PTPRD: variants seen among roughly 807,000 people sequenced by gnomAD.
The protein encoded by PTPRD is receptor-type tyrosine-protein phosphatase delta.
Under a neutral mutation model 214.5 loss-of-function variants are expected in PTPRD, and 34 were observed. That is an observed-to-expected ratio of 0.16 (90% confidence interval 0.12 to 0.21). PTPRD has a LOEUF of 0.21. Among genes scored for constraint, PTPRD ranks in the 10% least tolerant of loss-of-function variants. The pLI is 1.00. For synonymous variants in PTPRD, 1,128 were observed against 845.7 expected, an observed-to-expected ratio of 1.33 and a Z score of -5.79; for missense variants, 2,545 against 2,398.7, an observed-to-expected ratio of 1.06 and a Z score of -1.27.
intron 9 of PTPRD, among the ~76,000 whole-genome samples, chr9:9,248,113 G>A (rs1389705112): frequency 6.6e-6 from 1 of 151,686 alleles, no homozygotes; most frequent in Non-Finnish European, 1.5e-5. Flanking sequence ...TTTAATTTGA[G>A]ACAGGGTCTC....
At chr9:9,659,975 G>C (rs1039297543) in intron 7 of PTPRD, among the ~76,000 whole-genome samples, 2 of 151,988 alleles carry the variant, frequency 1.3e-5, no homozygotes, top group Non-Finnish European at 2.9e-5. Flanking sequence ...CTTCTGGGCT[G>C]TAAATGAATT....
At chr9:10,186,681 G>C (rs77458860) in intron 3 of PTPRD, among the ~76,000 whole-genome samples, 64 of 152,084 alleles carry the variant, frequency 4.2e-4, no homozygotes, top group African/African-American at 8.4e-4. Context: ...AATTACTAAA[G>C]TGTGAAACAT....
At chr9:8,329,913 T>G (rs2131457759) in intron 44 of PTPRD, among the ~76,000 whole-genome samples, 1 of 148,404 alleles carries the variant, frequency 6.7e-6, no homozygotes, top group African/African-American at 2.5e-5. Context: ...GTACTCGCAG[T>G]GAGATTTTCA....
chr9:9,617,689 G>C (rs149142964), intron 7 of PTPRD, among the ~76,000 whole-genome samples: 8 of 152,248 alleles, frequency 5.3e-5, no homozygotes, highest in East Asian at 3.9e-4. Context: ...GTGGGGTGAA[G>C]TAGGGCCAGT....
intron 2 of PTPRD, among the ~76,000 whole-genome samples, chr9:10,411,629 A>G (rs1328487394): frequency 6.6e-6 from 1 of 151,794 alleles, no homozygotes; most frequent in Non-Finnish European, 1.5e-5. Flanking sequence ...GAATTTGCAA[A>G]CAGGTAATAA....
intron 2 of PTPRD, among the ~76,000 whole-genome samples, chr9:10,511,302 T>C (rs2047928373): frequency 6.6e-6 from 1 of 152,166 alleles, no homozygotes; most frequent in Admixed American, 6.5e-5. Flanking sequence ...GATTGCCAGG[T>C]CAGAAGATAG....
chr9:9,740,017 A>C (rs1255400651), intron 6 of PTPRD, among the ~76,000 whole-genome samples: 3 of 152,186 alleles, frequency 2.0e-5, no homozygotes, highest in Non-Finnish European at 4.4e-5. Flanking sequence ...TACACAAAGC[A>C]CTTACTCTAT....
intron 2 of PTPRD, among the ~76,000 whole-genome samples, chr9:10,507,711 T>C (rs1289149783): frequency 6.6e-6 from 1 of 152,170 alleles, no homozygotes. Flanking sequence ...GGAGTCGCTA[T>C]TTAATAAATG....
intron 5 of PTPRD, among the ~76,000 whole-genome samples, chr9:9,833,851 T>C (rs1384761525): frequency 6.6e-6 from 1 of 152,112 alleles, no homozygotes; most frequent in Non-Finnish European, 1.5e-5. Context: ...GTTATGTCTC[T>C]TATTCCCTGA....
At chr9:9,805,679 A>T (rs111231939) in intron 5 of PTPRD, among the ~76,000 whole-genome samples, 4 of 152,292 alleles carry the variant, frequency 2.6e-5, no homozygotes, top group African/African-American at 7.2e-5. Flanking sequence ...TGAAAGCTAG[A>T]TCCTAACTTT....
intron 7 of PTPRD, among the ~76,000 whole-genome samples, chr9:9,607,534 C>T (rs1262699971): frequency 6.6e-6 from 1 of 152,008 alleles, no homozygotes; most frequent in East Asian, 1.9e-4. Flanking sequence ...CTTTAAGAAA[C>T]CAAAAGATGC....
chr9:10,457,195 C>T (rs559499613), intron 2 of PTPRD, among the ~76,000 whole-genome samples: 2 of 151,858 alleles, frequency 1.3e-5, no homozygotes, highest in South Asian at 2.1e-4. Context: ...AATTTGAATG[C>T]CATAAAATTC....
intron 5 of PTPRD, among the ~76,000 whole-genome samples, chr9:9,850,616 A>C (rs769606951): frequency 1.3e-5 from 2 of 152,158 alleles, no homozygotes; most frequent in Non-Finnish European, 2.9e-5. Flanking sequence ...TATATAGAAT[A>C]CTATGGAATG....
At chr9:8,872,540 C>G (rs2098320527) in intron 11 of PTPRD, among the ~76,000 whole-genome samples, 1 of 152,176 alleles carries the variant, frequency 6.6e-6, no homozygotes, top group Non-Finnish European at 1.5e-5. Context: ...TTATACTTTT[C>G]TCTGTCTTCT....
chr9:10,348,052 C>T (rs973485149), intron 2 of PTPRD, among the ~76,000 whole-genome samples: 12 of 151,986 alleles, frequency 7.9e-5, no homozygotes, highest in Non-Finnish European at 1.3e-4. Flanking sequence ...AGCAAGACTT[C>T]GTCTAAAAAA....
intron 4 of PTPRD, among the ~76,000 whole-genome samples, chr9:9,942,864 T>G (rs1023017895): frequency 4.6e-5 from 7 of 151,702 alleles, no homozygotes; most frequent in African/African-American, 1.7e-4. Flanking sequence ...TGAAAGCCAT[T>G]AACTACGTCA....
chr9:9,075,899 G>T (rs1181281158), intron 10 of PTPRD, among the ~76,000 whole-genome samples: 1 of 152,174 alleles, frequency 6.6e-6, no homozygotes, highest in East Asian at 1.9e-4. Flanking sequence ...ATAGCAGCAT[G>T]ATTTATAATC....
chr9:9,268,979 C>T (rs1170846494), intron 9 of PTPRD, among the ~76,000 whole-genome samples: 1 of 146,296 alleles, frequency 6.8e-6, no homozygotes, highest in Non-Finnish European at 1.5e-5. Context: ...CCGAAAAGCA[C>T]AGGCAAAAAA....
At chr9:9,794,170 T>TAC (rs915208393) in intron 5 of PTPRD, among the ~76,000 whole-genome samples, 1 of 149,284 alleles carries the variant, frequency 6.7e-6, no homozygotes, top group Non-Finnish European at 1.5e-5. Context: ...TATATATATA[T>TAC]ATACATGTAT....
Sources: gnomAD v4.1 joint callset for allele counts (sites outside exome capture counted in the v4.1 genomes callset) on GRCh38, gnomAD v4.1.1 for gene constraint, MANE v1.5 for transcripts, NCBI Gene and HGNC (gene_info 2026-07-23, HGNC 2026-07-21) for gene names.